ESR1: variants seen among roughly 807,000 people sequenced by gnomAD.
The protein encoded by ESR1 is estrogen receptor 1.
Under a neutral mutation model 52.7 loss-of-function variants are expected in ESR1, and 12 were observed. That is an observed-to-expected ratio of 0.23 (90% CI 0.15 to 0.37). ESR1 has a LOEUF of 0.37. ESR1 is among the 10% of genes least tolerant of loss of function. ESR1 has a pLI of 1.00. For missense variants in ESR1, 584 were observed against 779.7 expected (o/e 0.75, Z 2.99); for synonymous variants, 305 against 316.8 (o/e 0.96, Z 0.39).
intron 2 of ESR1, among the ~76,000 whole-genome samples, chr6:151,721,586 A>G (rs1436136630): frequency 4.6e-5 from 7 of 152,314 alleles, no homozygotes; most frequent in South Asian, 4.1e-4. Flanking sequence ...TTTGCAAATC[A>G]TGGGACTAGA....
chr6:151,670,967 C>T (rs184117173), intron 1 of ESR1, among the ~76,000 whole-genome samples: 51 of 151,976 alleles, frequency 3.4e-4, no homozygotes, highest in Middle Eastern at 3.4e-3. Flanking sequence ...GGGGTTTCAC[C>T]GTGTTGACCA....
At chr6:151,984,469 A>C (rs541963628) in intron 4 of ESR1, among the ~76,000 whole-genome samples, 1 of 152,266 alleles carries the variant, frequency 6.6e-6, no homozygotes, top group South Asian at 2.1e-4. Flanking sequence ...AGTTAGGCTA[A>C]AATCAATAGT....
intron 2 of ESR1, among the ~76,000 whole-genome samples, chr6:151,765,577 C>T (rs1048765909): frequency 6.6e-6 from 1 of 152,162 alleles, no homozygotes; most frequent in Non-Finnish European, 1.5e-5. Context: ...CCTTAAGATC[C>T]AGTAGGTTCT....
intron 2 of ESR1, among the ~76,000 whole-genome samples, chr6:151,706,516 C>A (rs2127992278): frequency 6.6e-6 from 1 of 152,238 alleles, no homozygotes; most frequent in African/African-American, 2.4e-5. Flanking sequence ...AGGGAAGAAG[C>A]AGGCTCCACA....
intron 1 of ESR1, among the ~76,000 whole-genome samples, chr6:151,669,147 GGAGAGAGAGAGAGA>G (rs541895194): frequency 1.3e-4 from 9 of 69,272 alleles, no homozygotes; most frequent in Non-Finnish European, 2.0e-4. Context: ...TTGGGAGCTG[GGAGAGAGAGAGAGA>G]GAGAGAGAGA....
chr6:152,108,363 T>A (rs766634625), intron 6 of ESR1, among the ~76,000 whole-genome samples: 1 of 152,216 alleles, frequency 6.6e-6, no homozygotes, highest in South Asian at 2.1e-4. Context: ...ATGCCACAAA[T>A]CTGCACTGTA....
At chr6:151,997,794 C>A (rs2041622281) in intron 4 of ESR1, among the ~76,000 whole-genome samples, 1 of 151,910 alleles carries the variant, frequency 6.6e-6, no homozygotes, top group South Asian at 2.1e-4. Context: ...GATGGAGTGG[C>A]AGAAGAGAAA....
chr6:151,998,846 A>G (rs1400744974), intron 4 of ESR1, among the ~76,000 whole-genome samples: 1 of 152,106 alleles, frequency 6.6e-6, no homozygotes, highest in African/African-American at 2.4e-5. Flanking sequence ...TCATGTAGCT[A>G]CATGCCATTG....
Position 151,736,220 on chromosome 6 carries a change from G to A in ESR1, c.-71+34215G>A, listed in dbSNP as rs147571275. ...CAGATTAAATATTTTCTCATTCATTGTCCCTCAGATCATATACATTTGCTT... is the reference window on the plus strand; with the variant it reads ...CAGATTAAATATTTTCTCATTCATTATCCCTCAGATCATATACATTTGCTT... On this transcript the variant is annotated intron_variant, in intron 2 of 2. Transcript: ENST00000404742. Among the ~76,000 whole-genome samples, 70 of 151,760 alleles carry A rather than the reference G, an allele frequency of 4.6e-4. No homozygotes were observed. The East Asian group carries it at 0.013, about 28-fold the overall frequency.
At chr6:152,050,406 T>C (rs1317907756) in intron 5 of ESR1, among the ~76,000 whole-genome samples, 1 of 152,196 alleles carries the variant, frequency 6.6e-6, no homozygotes, top group Non-Finnish European at 1.5e-5. Flanking sequence ...TTTACCTCCA[T>C]TTTTTCAGAA....
intron 3 of ESR1, among the ~76,000 whole-genome samples, chr6:151,892,780 A>G (rs1794882445): frequency 6.6e-6 from 1 of 152,188 alleles, no homozygotes; most frequent in Non-Finnish European, 1.5e-5. Flanking sequence ...TTGAAAACTT[A>G]TCCAGTAGGT....
At chr6:151,989,400 T>C (rs143412189) in intron 4 of ESR1, among the ~76,000 whole-genome samples, 1 of 152,248 alleles carries the variant, frequency 6.6e-6, no homozygotes, top group East Asian at 1.9e-4. Context: ...TTCTCAATAA[T>C]TCCCCCCAAA....
intron 3 of ESR1, among the ~76,000 whole-genome samples, chr6:151,883,135 T>TG (rs1250011670): frequency 1.3e-5 from 2 of 151,882 alleles, no homozygotes; most frequent in Non-Finnish European, 2.9e-5. Flanking sequence ...TTTTTTTTTT[T>TG]GAGAGATGGA....
At chr6:151,747,917 A>G (rs1175720799) in intron 2 of ESR1, among the ~76,000 whole-genome samples, 1 of 152,204 alleles carries the variant, frequency 6.6e-6, no homozygotes, top group East Asian at 1.9e-4. Flanking sequence ...ACTTTTGGCT[A>G]TTACAAATAA....
chr6:151,777,935 G>A (rs572581209), intron 2 of ESR1, among the ~76,000 whole-genome samples: 27 of 152,016 alleles, frequency 1.8e-4, no homozygotes, highest in African/African-American at 6.0e-4. Context: ...ACTTCAGCCT[G>A]GGGAACAAGA....
intron 4 of ESR1, among the ~76,000 whole-genome samples, chr6:151,999,745 T>A (rs1424053533): frequency 1.3e-5 from 2 of 152,148 alleles, no homozygotes; most frequent in Non-Finnish European, 2.9e-5. Context: ...GTCATTGACT[T>A]TGATCCTTAT....
At chr6:151,752,526 C>T (rs1483144408) in intron 2 of ESR1, among the ~76,000 whole-genome samples, 3 of 140,004 alleles carry the variant, frequency 2.1e-5, no homozygotes, top group Non-Finnish European at 4.6e-5. Flanking sequence ...ATGTATGTTT[C>T]CATAATTTTC....
intron 3 of ESR1, among the ~76,000 whole-genome samples, chr6:151,882,913 G>T (rs1276002732): frequency 1.3e-5 from 2 of 152,204 alleles, no homozygotes; most frequent in Middle Eastern, 3.4e-3. Flanking sequence ...TAATTTGACT[G>T]TACACAACAG....
At position 152,101,375 on chromosome 6, in the gene ESR1, A is replaced by G. The variant is rs1435999492; in HGVS notation, c.*2409A>G. 4.3e-6 allele frequency: 1 copy of G among 232,804 alleles called. No individual in the cohort carries two copies. Among genetic ancestry groups the G allele is most frequent in the Non-Finnish European group, 8.5e-6 (1 of 117,650 alleles). The allele number at this position is 232,804 out of a possible 1,614,324, so 14.4% of individuals were successfully genotyped here. The stretch of plus-strand genomic sequence containing the variant: ...GATTTTCTTTTAAAAAAATTAAAAT[A>G]AAACAAAAAAAAATTTCTAGGACTA... On this transcript the variant is annotated 3_prime_UTR_variant, in exon 8 of 8. Transcript: ENST00000206249.
Sources: gnomAD v4.1 joint callset for allele counts (sites outside exome capture counted in the v4.1 genomes callset) on GRCh38, gnomAD v4.1.1 for gene constraint, MANE v1.5 for transcripts, NCBI Gene and HGNC (gene_info 2026-07-23, HGNC 2026-07-21) for gene names.